The following ARHGAP26 variants were observed in gnomAD, a reference collection of about 807,000 sequenced individuals.
ARHGAP26 encodes the protein Rho GTPase activating protein 26.
Under a neutral mutation model 104.8 loss-of-function variants are expected in ARHGAP26, and 38 were observed. The ratio of observed to expected loss-of-function variants is 0.36; its 90% CI spans 0.28 to 0.48. The LOEUF (loss-of-function observed/expected upper bound fraction) is 0.48, where lower values mean the gene tolerates loss of function less well. ARHGAP26 is among the 20% of genes least tolerant of loss of function. ARHGAP26 has a pLI of 0.99. For synonymous variants in ARHGAP26, 341 were observed against 340.0 expected (o/e 1.00, Z -0.03); for missense variants, 704 against 947.9 (o/e 0.74, Z 3.38).
intron 6 of ARHGAP26, among the ~76,000 whole-genome samples, chr5:142,894,823 G>A (rs926618179): frequency 6.6e-6 from 1 of 152,308 alleles, no homozygotes; most frequent in East Asian, 1.9e-4. Flanking sequence ...ATTAAAAGAT[G>A]CTATATAAAG....
intron 11 of ARHGAP26, among the ~76,000 whole-genome samples, chr5:142,980,963 C>G (rs1025770237): frequency 6.6e-6 from 1 of 152,052 alleles, no homozygotes; most frequent in Admixed American, 6.6e-5. Context: ...TTGTCATTGT[C>G]GTTGTAGTGT....
chr5:142,829,055 G>C (rs1009597369), intron 1 of ARHGAP26, among the ~76,000 whole-genome samples: 5 of 152,226 alleles, frequency 3.3e-5, no homozygotes, highest in Admixed American at 3.3e-4. Context: ...TGATTAAATA[G>C]GTTAGTAAGT....
At chr5:143,172,437 A>G (rs530043345) in intron 20 of ARHGAP26, among the ~76,000 whole-genome samples, 21 of 152,368 alleles carry the variant, frequency 1.4e-4, no homozygotes, top group African/African-American at 5.0e-4. Flanking sequence ...GGGAAAAAAT[A>G]TAATGGGATG....
intron 20 of ARHGAP26, among the ~76,000 whole-genome samples, chr5:143,157,649 A>G (rs1800655901): frequency 6.6e-6 from 1 of 152,202 alleles, no homozygotes; most frequent in Non-Finnish European, 1.5e-5. Context: ...GCTATTCTAA[A>G]TCGACATTCT....
chr5:143,056,216 T>C, intron 16 of ARHGAP26, 130 bp downstream of exon 16: 1 of 664,310 alleles, frequency 1.5e-6, no homozygotes, highest in South Asian at 2.0e-5. Context: ...CATAACATAC[T>C]CATGAGATTC....
chr5:143,017,071 G>T (rs1246582079), intron 12 of ARHGAP26, among the ~76,000 whole-genome samples: 2 of 152,204 alleles, frequency 1.3e-5, no homozygotes, highest in Admixed American at 1.3e-4. Context: ...ATGAATTTAA[G>T]AGTGAGACAC....
At chr5:142,893,640 T>C (rs1402765153) in intron 5 of ARHGAP26, among the ~76,000 whole-genome samples, 1 of 152,222 alleles carries the variant, frequency 6.6e-6, no homozygotes, top group African/African-American at 2.4e-5. Context: ...GATTATATGG[T>C]AGTACTATTT....
At chr5:142,883,446 T>C (rs1757282393) in intron 4 of ARHGAP26, among the ~76,000 whole-genome samples, 1 of 152,260 alleles carries the variant, frequency 6.6e-6, no homozygotes, top group African/African-American at 2.4e-5. Context: ...CATTTGCTGC[T>C]AAATGTTTAA....
intron 17 of ARHGAP26, among the ~76,000 whole-genome samples, chr5:143,095,060 A>G (rs6580269): frequency 0.99 from 150,820 of 152,026 alleles, 74,815 homozygotes; most frequent in East Asian, 1. Context: ...AGGAAATTGT[A>G]CCATATCACC....
chr5:142,901,281 C>A (rs1760294491), intron 6 of ARHGAP26, among the ~76,000 whole-genome samples: 1 of 152,038 alleles, frequency 6.6e-6, no homozygotes, highest in Non-Finnish European at 1.5e-5. Flanking sequence ...TACCTTTTAG[C>A]CTGAGGGATT....
chr5:143,013,072 A>G (rs1444627559), intron 11 of ARHGAP26, among the ~76,000 whole-genome samples: 1 of 152,212 alleles, frequency 6.6e-6, no homozygotes, highest in Non-Finnish European at 1.5e-5. Flanking sequence ...TGTAGAGCCC[A>G]TAAGCCAAGC....
rs1018137893 is a variant in ARHGAP26, at chr5:143,223,753, G to A, written c.*1307G>A. The A allele has an allele frequency of 2.2e-5, 5 of 231,956 alleles. No individual in the cohort carries two copies. In the East Asian group the frequency reaches 2.4e-4, roughly 11 times the overall value. 14.4% of individuals were successfully genotyped at this position (231,956 alleles called of 1,614,324 possible). On this transcript the variant is annotated 3_prime_UTR_variant, in exon 23 of 23. Transcript: ENST00000645722. ...GCTTGAGACTAATATAGGCCATTGT[G>A]ATTCAGGAAGAAACCCAAGGTTGGA...
chr5:143,179,936 T>G (rs1049799910), intron 20 of ARHGAP26, among the ~76,000 whole-genome samples: 2 of 152,180 alleles, frequency 1.3e-5, no homozygotes, highest in Non-Finnish European at 2.9e-5. Flanking sequence ...CTTGTTTTAC[T>G]TGATTTCTGG....
intron 17 of ARHGAP26, among the ~76,000 whole-genome samples, chr5:143,110,249 A>T (rs962664769): frequency 1.3e-5 from 2 of 152,240 alleles, no homozygotes; most frequent in Admixed American, 1.3e-4. Flanking sequence ...CTCCAAAAGA[A>T]TGTAAGCTTC....
chr5:143,214,196 ATGGGT>A (rs1179970175), intron 22 of ARHGAP26, 108 bp downstream of exon 22: 11 of 708,264 alleles, frequency 1.6e-5, no homozygotes, highest in Admixed American at 1.4e-4. Flanking sequence ...TCTCAATACA[ATGGGT>A]AAGAAAAAAA....
intron 17 of ARHGAP26, among the ~76,000 whole-genome samples, chr5:143,106,538 C>T (rs1016200290): frequency 8.1e-5 from 10 of 123,586 alleles, no homozygotes; most frequent in Admixed American, 1.1e-4. Context: ...AGTGGTGCAA[C>T]GTCAGCTCAT....
intron 11 of ARHGAP26, among the ~76,000 whole-genome samples, chr5:142,974,946 A>G (rs1772845704): frequency 6.6e-6 from 1 of 152,120 alleles, no homozygotes; most frequent in Admixed American, 6.6e-5. Flanking sequence ...GAAGAGTGGG[A>G]AATGGCTTTT....
At chr5:142,773,983 A>G (rs1025093007) in intron 1 of ARHGAP26, among the ~76,000 whole-genome samples, 5 of 152,238 alleles carry the variant, frequency 3.3e-5, no homozygotes, top group Non-Finnish European at 5.9e-5. Context: ...TTTGCAATAC[A>G]TAAGCGCTTC....
intron 3 of ARHGAP26, among the ~76,000 whole-genome samples, chr5:142,877,265 G>A (rs6884099): frequency 0.091 from 13,915 of 152,192 alleles, 1,776 homozygotes; most frequent in African/African-American, 0.29. Context: ...GTTAAGCTCA[G>A]CAAGCAAAGC....
Sources: gnomAD v4.1 joint callset for allele counts (sites outside exome capture counted in the v4.1 genomes callset) on GRCh38, gnomAD v4.1.1 for gene constraint, MANE v1.5 for transcripts, NCBI Gene and HGNC (gene_info 2026-07-23, HGNC 2026-07-21) for gene names.